Variants in REL observed in about 807,000 individuals in gnomAD.
The protein encoded by REL is proto-oncogene c-Rel.
In REL, 15 loss-of-function variants were observed where a neutral mutation model predicts 45.9. That is an observed-to-expected ratio of 0.33 (90% CI 0.22 to 0.50). The LOEUF is 0.50. Ranked by LOEUF, REL falls within the 20% of genes least tolerant of loss-of-function variation. REL has a pLI of 0.98. For missense variants in REL, 601 were observed against 715.2 expected (o/e 0.84, Z 1.82); for synonymous variants, 239 against 242.1 (o/e 0.99, Z 0.12).
intron 2 of REL, among the ~76,000 whole-genome samples, chr2:60,892,811 G>A (rs1337302379): frequency 6.6e-6 from 1 of 150,802 alleles, no homozygotes; most frequent in African/African-American, 2.4e-5. Flanking sequence ...CTGGAGGGCA[G>A]TGGCGTGATC....
chr2:60,882,342 A>C (rs1380204988), intron 1 of REL, among the ~76,000 whole-genome samples: 1 of 152,192 alleles, frequency 6.6e-6, no homozygotes. Context: ...TTTAACACGA[A>C]TTAGAAAATC....
chr2:60,887,838 C>A (rs1374588814), intron 1 of REL, among the ~76,000 whole-genome samples: 1 of 151,434 alleles, frequency 6.6e-6, no homozygotes, highest in Non-Finnish European at 1.5e-5. Flanking sequence ...ATCTTTTCAA[C>A]AACTACTTTT....
rs543873065 is a variant in REL at position 60,914,593 on chromosome 2, C to T, written c.395-2284C>T. Among the ~76,000 whole-genome samples, 8 of 152,260 alleles carry T rather than the reference C, an allele frequency of 5.3e-5. No individual in the cohort carries two copies. In the East Asian group the frequency reaches 1.5e-3, roughly 29 times the overall value. On this transcript the variant is annotated intron_variant, in intron 4 of 9. Transcript: ENST00000394479. The stretch of plus-strand genomic sequence containing the variant: ...CCGAATATGTCCTGCTACATAACCA[C>T]AATCAAGCTATGGAACATTTCCATC...
Position 60,922,423 on chromosome 2 carries a change from G to A in REL, c.1652G>A (p.Ser551Asn). 1 of 1,614,000 alleles carries A rather than the reference G, an allele frequency of 6.2e-7. No homozygotes were observed. The highest frequency in any genetic ancestry group is 8.5e-7 in the Non-Finnish European group (1 of 1,179,958). The change falls in exon 10 of 10, where the codon AGT becomes AAT. Residue 551 changes from serine (S) to asparagine (N), a missense_variant. Coordinates refer to ENST00000394479, the MANE Select transcript of REL (RefSeq NM_001291746.2). Reference sequence around the variant, plus strand: ...ATAAATGAGTCGGGACCATCAAACAGTACTAATCCAAACAGTCATGGTTTT... The same window carrying A: ...ATAAATGAGTCGGGACCATCAAACAATACTAATCCAAACAGTCATGGTTTT... Reference protein sequence around the residue: ...SMINESGPSNSTNPNSHGFVQ... With the variant: ...SMINESGPSNNTNPNSHGFVQ...
intron 1 of REL, among the ~76,000 whole-genome samples, chr2:60,887,610 T>C (rs184888341): frequency 1.4e-3 from 206 of 151,052 alleles, no homozygotes; most frequent in African/African-American, 4.8e-3. Flanking sequence ...CAGAATACTA[T>C]GGTAGTTTAA....
chr2:60,900,950 G>A (rs760721419), intron 3 of REL, 42 bp from the exon 4 acceptor site: 32 of 1,512,072 alleles, frequency 2.1e-5, no homozygotes, highest in South Asian at 4.7e-5. Context: ...AATATTCCTT[G>A]TGTTTATAAT....
Position 60,881,792 on chromosome 2 carries a change from C to A in REL, c.-49C>A. 2.0e-6 allele frequency: 3 copies of A among 1,526,298 alleles called. No individual in the cohort carries two copies. Among genetic ancestry groups the A allele is most frequent in the Non-Finnish European group, 2.6e-6 (3 of 1,137,540 alleles). The allele number at this position is 1,526,298 out of a possible 1,614,324, so 94.5% of individuals were successfully genotyped here. On this transcript the variant is annotated 5_prime_UTR_variant, in exon 1 of 10. Coordinates refer to ENST00000394479, the MANE Select transcript of REL (RefSeq NM_001291746.2). Reference sequence around the variant, plus strand: ...CTGACTGACTGACTGCGGCCGCCTCCGGCCAGGACGCTGGGAGCTGCCTGC... The same window carrying A: ...CTGACTGACTGACTGCGGCCGCCTCAGGCCAGGACGCTGGGAGCTGCCTGC...
chr2:60,929,895 G>A lies in REL; in HGVS notation c.*7360G>A, dbSNP rs1025166443. 7 of 152,038 alleles carry A rather than the reference G, an allele frequency of 4.6e-5. No individual in the cohort carries two copies. Among genetic ancestry groups the A allele is most frequent in the Non-Finnish European group, 8.8e-5 (6 of 68,020 alleles). The allele number at this position is 152,038 out of a possible 1,614,324, so 9.4% of individuals were successfully genotyped here. On this transcript the variant is annotated 3_prime_UTR_variant, in exon 10 of 10. Coordinates refer to ENST00000394479, the MANE Select transcript of REL (RefSeq NM_001291746.2). The stretch of plus-strand genomic sequence containing the variant: ...ATGTGCCTGTGGTCCCAGCTATTAG[G>A]GAGGCTGAGGTGGGAGGATCCCTTG...
chr2:60,887,651 T>C (rs1673103106), intron 1 of REL, among the ~76,000 whole-genome samples: 1 of 150,228 alleles, frequency 6.7e-6, no homozygotes, highest in Non-Finnish European at 1.5e-5. Context: ...GCTGGGGGAA[T>C]GTAGAGTATT....
At position 60,923,519 on chromosome 2, in the gene REL, T is replaced by G. The variant is rs1674199912; in HGVS notation, c.*984T>G. The stretch of plus-strand genomic sequence containing the variant: ...AGCTCACACTCAGCATATCCAAAAC[T>G]GAATTCTTGGTCTTCCCTCCCAAAC... On this transcript the variant is annotated 3_prime_UTR_variant, in exon 10 of 10. Coordinates refer to ENST00000394479, the MANE Select transcript of REL (RefSeq NM_001291746.2). 1 of 232,508 alleles carries G rather than the reference T, an allele frequency of 4.3e-6. No individual in the cohort carries two copies. Among genetic ancestry groups the G allele is most frequent in the African/African-American group, 2.2e-5 (1 of 45,308 alleles). 14.4% of individuals were successfully genotyped at this position (232,508 alleles called of 1,614,324 possible).
Position 60,921,897 on chromosome 2 carries a change from C to G in REL, c.1126C>G (p.Pro376Ala). The change falls in exon 10 of 10, where the codon CCT becomes GCT. Residue 376 changes from proline (P) to alanine (A), a missense_variant. Pro to Ala is a conservative substitution (Grantham distance 27, BLOSUM62 -1). This residue lies in a region of REL where 334 missense variants were observed against 333.1 expected (regional missense o/e 1.00). Transcript: ENST00000394479. ...LSHHASMAPL[P>A]SSSWSSVAHP... is the part of the protein sequence containing the mutation. The stretch of plus-strand genomic sequence containing the variant: ...ACATCATGCCTCAATGGCACCTCTG[C>G]CTTCTTCAAGCTGGTCATCAGTGGC... 6.2e-7 allele frequency: 1 copy of G among 1,614,120 alleles called. No homozygotes were observed. The highest frequency in any genetic ancestry group is 8.5e-7 in the Non-Finnish European group (1 of 1,180,014).
chr2:60,894,921 A>G (rs1021962167), intron 3 of REL, among the ~76,000 whole-genome samples: 3 of 148,536 alleles, frequency 2.0e-5, no homozygotes, highest in African/African-American at 7.5e-5. Flanking sequence ...CAATGGCGCA[A>G]TCTCGGCTCA....
Position 60,920,557 on chromosome 2 carries a change from A to G in REL, c.923-17A>G, listed in dbSNP as rs756757912. ...TTTCAAATGACATTTAATAATGGAAAAACTTTATCCTAACAGTTAATTTTC... is the reference window on the plus strand; with the variant it reads ...TTTCAAATGACATTTAATAATGGAAGAACTTTATCCTAACAGTTAATTTTC... On this transcript the variant is annotated splice_polypyrimidine_tract_variant and intron_variant, in intron 8 of 9. Transcript: ENST00000394479. The G allele has an allele frequency of 6.4e-7, 1 of 1,570,314 alleles. No homozygotes were observed. Among genetic ancestry groups the G allele is most frequent in the South Asian group, 1.1e-5 (1 of 89,628 alleles).
intron 4 of REL, among the ~76,000 whole-genome samples, chr2:60,902,987 G>A (rs1298389608): frequency 6.6e-6 from 1 of 152,116 alleles, no homozygotes; most frequent in African/African-American, 2.4e-5. Flanking sequence ...TATTTCCCTA[G>A]GATAAATTTT....
At chr2:60,888,879 C>T (rs1461350719) in intron 1 of REL, among the ~76,000 whole-genome samples, 1 of 152,174 alleles carries the variant, frequency 6.6e-6, no homozygotes, top group East Asian at 1.9e-4. Flanking sequence ...ATCCTTCATT[C>T]ATCTTATCAC....
At position 60,924,300 on chromosome 2, in the gene REL, G is replaced by A. The variant is rs530501818; in HGVS notation, c.*1765G>A. ...CCATACCGAAATATAAACTTTCTAA[G>A]GACAGAAATTTTTGTGCTTTATTGT... is the stretch of plus-strand genomic sequence containing the variant. On this transcript the variant is annotated 3_prime_UTR_variant, in exon 10 of 10. Transcript: ENST00000394479. 9.0e-6 allele frequency: 2 copies of A among 222,218 alleles called. No homozygotes were observed. Among genetic ancestry groups the A allele is most frequent in the African/African-American group, 4.5e-5 (2 of 44,880 alleles). 13.8% of individuals were successfully genotyped at this position (222,218 alleles called of 1,614,324 possible).
chr2:60,907,671 G>A (rs1673699112), intron 4 of REL, among the ~76,000 whole-genome samples: 1 of 151,614 alleles, frequency 6.6e-6, no homozygotes, highest in Admixed American at 6.6e-5. Context: ...AGAATAAATG[G>A]ACGAACATGT....
At position 60,918,158 on chromosome 2, in the gene REL, C is replaced by G; in HGVS notation, c.536-33C>G. On this transcript the variant is annotated intron_variant, in intron 5 of 9. Transcript: ENST00000394479. The stretch of plus-strand genomic sequence containing the variant: ...AAGAAATAAAATATTACTAAGGTAG[C>G]AACTCATTTTTTTGAAAATCCTTTA... 3 of 1,228,320 alleles carry G rather than the reference C, an allele frequency of 2.4e-6. No individual in the cohort carries two copies. The South Asian group carries it at 4.0e-5, about 16-fold the overall frequency. 76.1% of individuals were successfully genotyped at this position (1,228,320 alleles called of 1,614,324 possible). A position where few individuals can be genotyped will look rare whatever the true frequency, so the allele number is the denominator to read the frequency against.
chr2:60,881,745 C>G lies in REL; in HGVS notation c.-96C>G. 1.7e-6 allele frequency: 2 copies of G among 1,159,800 alleles called. No individual in the cohort carries two copies. The highest frequency in any genetic ancestry group is 2.7e-5 in the South Asian group (2 of 74,192). The allele number at this position is 1,159,800 out of a possible 1,614,324, so 71.8% of individuals were successfully genotyped here. Reference sequence around the variant, plus strand: ...GGTGGTCGGGGGACTGGGGGCCCCGCCGGCAGAGGTCCCTCGGCCTCCTGA... The same window carrying G: ...GGTGGTCGGGGGACTGGGGGCCCCGGCGGCAGAGGTCCCTCGGCCTCCTGA... On this transcript the variant is annotated 5_prime_UTR_variant, in exon 1 of 10. Transcript: ENST00000394479.
Sources: gnomAD v4.1 joint callset for allele counts (sites outside exome capture counted in the v4.1 genomes callset) on GRCh38, gnomAD v4.1.1 for gene constraint, gnomAD v4.1.1 regional missense constraint, MANE v1.5 for transcripts, NCBI Gene and HGNC (gene_info 2026-07-23, HGNC 2026-07-21) for gene names.